PDXK: variants seen among roughly 807,000 people sequenced by gnomAD.
PDXK encodes pyridoxal kinase, also known as epididymis secretory sperm binding protein Li 1a.
In PDXK, 15 loss-of-function variants were observed where a neutral mutation model predicts 43.2. The observed-to-expected ratio is 0.35, with a 90% CI of 0.23 to 0.53. PDXK has a LOEUF of 0.53. PDXK is among the 20% of genes least tolerant of loss of function. The probability of loss-of-function intolerance (pLI) is 0.92; values close to 1 mark genes in which losing one functional copy is unlikely to be tolerated. For synonymous variants in PDXK, 172 were observed against 165.4 expected, an observed-to-expected ratio of 1.04 and a Z score of -0.31; for missense variants, 343 against 417.0, an observed-to-expected ratio of 0.82 and a Z score of 1.54.
chr21:43,726,858 GGTGT>G (rs1012891177), intron 1 of PDXK, among the ~76,000 whole-genome samples: 35 of 152,090 alleles, frequency 2.3e-4, no homozygotes, highest in African/African-American at 6.7e-4. Flanking sequence ...GTGTGTACAT[GGTGT>G]GTGTGTATGT....
At chr21:43,736,181 T>G (rs1183728702) in intron 2 of PDXK, among the ~76,000 whole-genome samples, 1 of 152,218 alleles carries the variant, frequency 6.6e-6, no homozygotes, top group African/African-American at 2.4e-5. Flanking sequence ...TGCTTATTTT[T>G]CACCAAACTC....
chr21:43,732,190 C>G lies in PDXK; in HGVS notation c.88-1879C>G, dbSNP rs1271798691. On this transcript the variant is annotated intron_variant, in intron 1 of 10. Coordinates refer to ENST00000291565, the MANE Select transcript of PDXK (RefSeq NM_003681.5). This position sits in a 1 kb window ranked among gnomAD's most constrained non-coding sequence, Gnocchi z 4.1. Reference sequence around the variant, plus strand: ...CCTGGTGGTGCCTGGGAGGGAGCCACTGCTGTACAGAGATGCCAATTCCAG... The same window carrying G: ...CCTGGTGGTGCCTGGGAGGGAGCCAGTGCTGTACAGAGATGCCAATTCCAG... The G allele has an allele frequency of 5.6e-6, 8 of 1,426,172 alleles. No homozygotes were observed. The East Asian group carries it at 2.0e-4, about 36-fold the overall frequency. 88.3% of individuals were successfully genotyped at this position (1,426,172 alleles called of 1,614,324 possible).
intron 1 of PDXK, chr21:43,719,937 C>A: frequency 1.0e-6 from 1 of 985,248 alleles, no homozygotes; most frequent in Non-Finnish European, 1.2e-6. Context: ...CCTGACCACG[C>A]CAGGAGGTGG....
chr21:43,730,224 C>A (rs2083300593), intron 1 of PDXK, among the ~76,000 whole-genome samples: 1 of 152,108 alleles, frequency 6.6e-6, no homozygotes, highest in East Asian at 1.9e-4. Context: ...CTCCCAGGTT[C>A]AAGTGATTCT....
At chr21:43,731,910 G>C (rs1253775166) in intron 1 of PDXK, among the ~76,000 whole-genome samples, 2 of 152,256 alleles carry the variant, frequency 1.3e-5, no homozygotes, top group Admixed American at 1.3e-4. Flanking sequence ...TGGGATAAGA[G>C]AATTGTTGGA....
chr21:43,744,756 C>T (rs2083607160), intron 4 of PDXK: 2 of 152,368 alleles, frequency 1.3e-5, no homozygotes, highest in South Asian at 2.1e-4. Flanking sequence ...CCAGCAATTC[C>T]GCCCTGCGCA....
rs2083335269 is a variant in PDXK, at chr21:43,732,648, G to A, written c.88-1421G>A. The A allele has an allele frequency of 2.6e-6, 2 of 780,292 alleles. No individual in the cohort carries two copies. The highest frequency in any genetic ancestry group is 4.8e-6 in the Non-Finnish European group (2 of 418,904). 48.3% of individuals were successfully genotyped at this position (780,292 alleles called of 1,614,324 possible). On this transcript the variant is annotated intron_variant, in intron 1 of 10. Coordinates refer to ENST00000291565, the MANE Select transcript of PDXK (RefSeq NM_003681.5). This position sits in a 1 kb window ranked among gnomAD's most constrained non-coding sequence, Gnocchi z 4.1. ...CTTAATATCTGTTTCTTCACAGTCG[G>A]TTAGAATTTTAAAGGATTTGAAATA... is the stretch of plus-strand genomic sequence containing the variant.
rs1348741599 is a variant in PDXK at position 43,723,177 on chromosome 21, G to A, written c.87+3796G>A. Among the ~76,000 whole-genome samples, 10 of 143,296 alleles carry A rather than the reference G, an allele frequency of 7.0e-5. No individual in the cohort carries two copies. Among genetic ancestry groups the A allele is most frequent in the East Asian group, 2.1e-4 (1 of 4,870 alleles). 94.0% of individuals were successfully genotyped at this position (143,296 alleles called of 152,430 possible). A position where few individuals can be genotyped will look rare whatever the true frequency, so the allele number is the denominator to read the frequency against. On this transcript the variant is annotated intron_variant, in intron 1 of 10. Transcript: ENST00000291565. This position sits in a 1 kb window ranked among gnomAD's most constrained non-coding sequence, Gnocchi z 4.1. Reference sequence around the variant, plus strand: ...TCTTTCTTTTTTTTTTTTTTGAGACGAGGGTCTCACTCTGTCGCTCAGGCT... The same window carrying A: ...TCTTTCTTTTTTTTTTTTTTGAGACAAGGGTCTCACTCTGTCGCTCAGGCT...
In PDXK at chr21:43,734,022, C is replaced by T; in HGVS notation, c.88-47C>T. ...AGCACCTGCTGGGGTTCGTGGGACC[C>T]CAGACCTGGCTCTCTTACGCCTACC... On this transcript the variant is annotated intron_variant, in intron 1 of 10. Coordinates refer to ENST00000291565, the MANE Select transcript of PDXK (RefSeq NM_003681.5). This position sits in a 1 kb window ranked among gnomAD's most constrained non-coding sequence, Gnocchi z 5.0. 6.3e-7 allele frequency: 1 copy of T among 1,597,528 alleles called. No homozygotes were observed. Among genetic ancestry groups the T allele is most frequent in the Non-Finnish European group, 8.6e-7 (1 of 1,165,142 alleles).
At chr21:43,728,766 G>A (rs1367084711) in intron 1 of PDXK, 7 of 985,694 alleles carry the variant, frequency 7.1e-6, no homozygotes, top group African/African-American at 3.5e-5. Context: ...GGCAGGGGAT[G>A]AGCTTGTGTC....
Position 43,732,629 on chromosome 21 carries a change from A to G in PDXK, c.88-1440A>G, listed in dbSNP as rs1471284978. The G allele has an allele frequency of 2.6e-6, 2 of 783,982 alleles. No individual in the cohort carries two copies. The highest frequency in any genetic ancestry group is 4.7e-6 in the Non-Finnish European group (2 of 421,836). The allele number at this position is 783,982 out of a possible 1,614,324, so 48.6% of individuals were successfully genotyped here. A position where few individuals can be genotyped will look rare whatever the true frequency, so the allele number is the denominator to read the frequency against. The stretch of plus-strand genomic sequence containing the variant: ...AGGATTTGTGTCATCGTTGCTTAAT[A>G]TCTGTTTCTTCACAGTCGGTTAGAA... On this transcript the variant is annotated intron_variant, in intron 1 of 10. Coordinates refer to ENST00000291565, the MANE Select transcript of PDXK (RefSeq NM_003681.5). The surrounding 1 kb of genome is among the most constrained non-coding windows in gnomAD (Gnocchi z 4.1).
At chr21:43,728,730 GGGA>G (rs2083279599) in intron 1 of PDXK, 3 of 985,704 alleles carry the variant, frequency 3.0e-6, no homozygotes, top group Non-Finnish European at 1.2e-6. Flanking sequence ...CACCGGCCGA[GGGA>G]GGAGGACTGC....
intron 2 of PDXK, among the ~76,000 whole-genome samples, chr21:43,740,050 C>T (rs562785010): frequency 4.0e-5 from 6 of 151,008 alleles, no homozygotes; most frequent in Non-Finnish European, 7.4e-5. Flanking sequence ...CCATCAGGGG[C>T]TTGGTCTCTG....
intron 3 of PDXK, among the ~76,000 whole-genome samples, chr21:43,742,123 A>G (rs1024369582): frequency 1.3e-5 from 2 of 152,106 alleles, no homozygotes; most frequent in African/African-American, 4.8e-5. Context: ...TACCTGGTAC[A>G]CTGCCATCCT....
Position 43,743,737 on chromosome 21 carries a change from C to A in PDXK, c.261C>A (p.Asp87Glu). The change falls in exon 4 of 11, where the codon GAC becomes GAA. Residue 87 changes from aspartate (D) to glutamate (E), a missense_variant. Transcript: ENST00000291565. ...CTCCCCCTAAAGGTTATACGAGGGA[C>A]AAGTCGTTCCTGGCCATGGTGGTGG... ...YDYVLTGYTR[D>E]KSFLAMVVDI... is the part of the protein sequence containing the mutation. 2 of 1,612,968 alleles carry A rather than the reference C, an allele frequency of 1.2e-6. No individual in the cohort carries two copies. Among genetic ancestry groups the A allele is most frequent in the Non-Finnish European group, 1.7e-6 (2 of 1,179,068 alleles).
chr21:43,741,608 G>A (rs1327414032), intron 2 of PDXK, 59 bp from the exon 3 acceptor site: 15 of 1,591,300 alleles, frequency 9.4e-6, no homozygotes, highest in Non-Finnish European at 9.4e-6. Flanking sequence ...GTCAAGGGAA[G>A]CCCACGGCCC....
At chr21:43,736,444 G>A (rs1310695945) in intron 2 of PDXK, among the ~76,000 whole-genome samples, 2 of 152,128 alleles carry the variant, frequency 1.3e-5, no homozygotes, top group South Asian at 2.1e-4. Context: ...GCGGACACTC[G>A]GGCCGTTTCC....
chr21:43,724,013 TACC>T (rs2083229435), intron 1 of PDXK: 1 of 152,228 alleles, frequency 6.6e-6, no homozygotes, highest in Non-Finnish European at 1.5e-5. Context: ...CCCATTTAAA[TACC>T]ACATCGCAGA....
In PDXK at chr21:43,737,139, C is replaced by T; in HGVS notation, c.142+3016C>T. 1 of 1,395,616 alleles carries T rather than the reference C, an allele frequency of 7.2e-7. No homozygotes were observed. The highest frequency in any genetic ancestry group is 9.7e-7 in the Non-Finnish European group (1 of 1,030,642). 86.5% of individuals were successfully genotyped at this position (1,395,616 alleles called of 1,614,324 possible). A position where few individuals can be genotyped will look rare whatever the true frequency, so the allele number is the denominator to read the frequency against. On this transcript the variant is annotated intron_variant, in intron 2 of 10. Coordinates refer to ENST00000291565, the MANE Select transcript of PDXK (RefSeq NM_003681.5). The surrounding 1 kb of genome is among the most constrained non-coding windows in gnomAD (Gnocchi z 4.8). ...ACTGGGGTGGTCACGTGGGCAGCTT[C>T]TGCCTGGGATGGGCCACAAAGCCAG...
Sources: allele counts gnomAD v4.1 joint callset (sites outside exome capture counted in the v4.1 genomes callset), GRCh38; gene constraint gnomAD v4.1.1; non-coding constraint Gnocchi (gnomAD v3.1); transcripts MANE v1.5; gene names NCBI Gene and HGNC (gene_info 2026-07-23, HGNC 2026-07-21).